SORBS2: variants seen among roughly 807,000 people sequenced by gnomAD.
SORBS2 encodes the protein sorbin and SH3 domain containing 2.
A neutral mutation model predicts 97.7 loss-of-function variants in SORBS2; 46 were observed. That is an observed-to-expected ratio of 0.47 (90% CI 0.37 to 0.60). The LOEUF (loss-of-function observed/expected upper bound fraction) is 0.60, where lower values mean the gene tolerates loss of function less well. Among genes scored for constraint, SORBS2 ranks in the 20% least tolerant of loss-of-function variants. The pLI is 0.00. For missense variants in SORBS2, 1,316 were observed against 1,282.3 expected, an observed-to-expected ratio of 1.03 and a Z score of -0.40; for synonymous variants, 476 against 473.4, an observed-to-expected ratio of 1.01 and a Z score of -0.07.
intron 1 of SORBS2, among the ~76,000 whole-genome samples, chr4:185,871,350 C>G (rs2099230321): frequency 6.6e-6 from 1 of 152,060 alleles, no homozygotes; most frequent in African/African-American, 2.4e-5. Context: ...TACAAATCAG[C>G]AAAAGATGGA....
chr4:185,867,335 T>G (rs778693783), intron 1 of SORBS2, among the ~76,000 whole-genome samples: 12 of 152,088 alleles, frequency 7.9e-5, no homozygotes, highest in Non-Finnish European at 1.6e-4. Context: ...AAGATGAAAA[T>G]AGAACTTCCT....
At chr4:185,818,988 T>C (rs11728795) in intron 1 of SORBS2, among the ~76,000 whole-genome samples, 37,573 of 152,138 alleles carry the variant, frequency 0.25, 4,809 homozygotes, top group Middle Eastern at 0.33. Flanking sequence ...TCTTGGCATG[T>C]GGACTCTTTC....
In SORBS2 at chr4:185,612,286, CA is replaced by C. The variant is rs1198315442; in HGVS notation, c.2596-307del. On this transcript the variant is annotated intron_variant, in intron 11 of 14. Coordinates refer to ENST00000418609, the Ensembl canonical transcript of SORBS2. ...GTGAAATTATTTGTCTAAGTTATTTCAAAAAGCAGAATAGTGTAAAAGGTAA... is the reference window on the plus strand; with the variant it reads ...GTGAAATTATTTGTCTAAGTTATTTCAAAAGCAGAATAGTGTAAAAGGTAA... Among the ~76,000 whole-genome samples the C allele has an allele frequency of 3.3e-5, 5 of 152,008 alleles. No homozygotes were observed. The East Asian group carries it at 9.7e-4, about 29-fold the overall frequency.
chr4:185,638,036 T>C (rs1263934536), intron 4 of SORBS2, 43 bp downstream of exon 15: 1 of 1,160,930 alleles, frequency 8.6e-7, no homozygotes, highest in Non-Finnish European at 1.3e-6. Context: ...AATCAAACAG[T>C]ATACTCCTAG....
intron 2 of SORBS2, among the ~76,000 whole-genome samples, chr4:185,701,626 T>C (rs960639334): frequency 1.3e-5 from 2 of 152,236 alleles, no homozygotes; most frequent in African/African-American, 2.4e-5. Flanking sequence ...CGCTTTTCTA[T>C]AGTACATAGA....
At chr4:185,685,234 A>G (rs2097932465) in intron 2 of SORBS2, among the ~76,000 whole-genome samples, 1 of 152,242 alleles carries the variant, frequency 6.6e-6, no homozygotes, top group Non-Finnish European at 1.5e-5. Flanking sequence ...GCTCCATGTC[A>G]GGATTAAAGG....
chr4:185,694,031 G>A (rs997849829), intron 2 of SORBS2, among the ~76,000 whole-genome samples: 1 of 152,140 alleles, frequency 6.6e-6, no homozygotes, highest in Non-Finnish European at 1.5e-5. Flanking sequence ...TTTCCAAGTC[G>A]TTAAAAGAAG....
intron 12 of SORBS2, 163 bp from the exon 25 acceptor site, chr4:185,594,098 T>C: frequency 1.7e-6 from 1 of 581,916 alleles, no homozygotes; most frequent in Non-Finnish European, 3.0e-6. Context: ...GGATTAATAA[T>C]TAAAATATTT....
intron 2 of SORBS2, among the ~76,000 whole-genome samples, chr4:185,679,679 G>T (rs76916875): frequency 0.046 from 7,043 of 152,206 alleles, 263 homozygotes; most frequent in East Asian, 0.12. Flanking sequence ...GGTGATCCTA[G>T]GGGTTGGATC....
chr4:185,843,623 C>T lies in SORBS2; in HGVS notation c.-337-68257G>A, dbSNP rs575016057. 6.7e-4 allele frequency among the ~76,000 whole-genome samples: 102 copies of T among 151,970 alleles called. 1 individual carries two copies. The highest frequency in any genetic ancestry group is 1.0e-3 in the Non-Finnish European group (70 of 67,978). On this transcript the variant is annotated intron_variant, in intron 1 of 20. Transcript: ENST00000284776. ...ACTGAAAAAATACTTAGAAATAAAT[C>T]TAACAAGATACATGTAAGCTTTGTA...
intron 2 of SORBS2, among the ~76,000 whole-genome samples, chr4:185,703,400 A>G (rs1001502962): frequency 6.6e-6 from 1 of 152,320 alleles, no homozygotes; most frequent in Non-Finnish European, 1.5e-5. Flanking sequence ...AGGTATCTCA[A>G]TCATGGAGGC....
At chr4:185,865,277 C>T (rs995889788) in intron 1 of SORBS2, among the ~76,000 whole-genome samples, 2 of 152,168 alleles carry the variant, frequency 1.3e-5, no homozygotes, top group Non-Finnish European at 2.9e-5. Context: ...GCACCGCGGC[C>T]CCCTGCACAG....
At chr4:185,641,151 G>C (rs1184813170) in intron 4 of SORBS2, among the ~76,000 whole-genome samples, 2 of 152,062 alleles carry the variant, frequency 1.3e-5, no homozygotes, top group Admixed American at 1.3e-4. Flanking sequence ...ATATGGAAAA[G>C]GAAGCAGAAT....
At chr4:185,885,541 TAA>T (rs2099238964) in intron 1 of SORBS2, among the ~76,000 whole-genome samples, 2 of 152,238 alleles carry the variant, frequency 1.3e-5, no homozygotes, top group African/African-American at 4.8e-5. Flanking sequence ...CTCAAAAGCG[TAA>T]CATTTCACAG....
chr4:185,781,713 C>A (rs1423034463), intron 1 of SORBS2, among the ~76,000 whole-genome samples: 3 of 152,098 alleles, frequency 2.0e-5, no homozygotes, highest in Non-Finnish European at 4.4e-5. Context: ...GCCTCTCCAG[C>A]CTCCCTTCCA....
chr4:185,658,367 A>G (rs1205951528), upstream of SORBS2, among the ~76,000 whole-genome samples: 1 of 152,214 alleles, frequency 6.6e-6, no homozygotes, highest in Non-Finnish European at 1.5e-5. Context: ...GCAACAGAGT[A>G]CAGACATGCA....
intron 1 of SORBS2, among the ~76,000 whole-genome samples, chr4:185,916,782 C>G (rs2099258371): frequency 6.6e-6 from 1 of 152,168 alleles, no homozygotes; most frequent in South Asian, 2.1e-4. Flanking sequence ...CCCCCACCTC[C>G]CCCAACAAAG....
At chr4:185,776,685 G>A (rs2099001189) in intron 1 of SORBS2, among the ~76,000 whole-genome samples, 1 of 151,932 alleles carries the variant, frequency 6.6e-6, no homozygotes. Flanking sequence ...TGGATCATGA[G>A]GTCAGGAGAT....
At chr4:185,763,304 A>G (rs867214875) in intron 2 of SORBS2, among the ~76,000 whole-genome samples, 1 of 152,210 alleles carries the variant, frequency 6.6e-6, no homozygotes, top group African/African-American at 2.4e-5. Context: ...TCCCTTGGCC[A>G]GGTGGGAGGC....
Sources: allele counts gnomAD v4.1 joint callset (sites outside exome capture counted in the v4.1 genomes callset), GRCh38; gene constraint gnomAD v4.1.1; transcripts MANE v1.5; gene names NCBI Gene and HGNC (gene_info 2026-07-23, HGNC 2026-07-21).